CADM2: variants seen among roughly 807,000 people sequenced by gnomAD.
The protein encoded by CADM2 is immunoglobulin superfamily member 4D.
A neutral mutation model predicts 49.8 loss-of-function variants in CADM2; 12 were observed. The ratio of observed to expected loss-of-function variants is 0.24; its 90% CI spans 0.15 to 0.39. The LOEUF (loss-of-function observed/expected upper bound fraction) is 0.39. Among genes scored for constraint, CADM2 ranks in the 10% least tolerant of loss-of-function variants. The probability of loss-of-function intolerance (pLI) is 1.00; values close to 1 mark genes in which losing one functional copy is unlikely to be tolerated. For synonymous variants in CADM2, 214 were observed against 175.4 expected, an observed-to-expected ratio of 1.22 and a Z score of -1.74; for missense variants, 378 against 492.3, an observed-to-expected ratio of 0.77 and a Z score of 2.20.
At chr3:85,975,818 G>T (rs1373587781) in intron 8 of CADM2, among the ~76,000 whole-genome samples, 1 of 151,496 alleles carries the variant, frequency 6.6e-6, no homozygotes, top group Non-Finnish European at 1.5e-5. Flanking sequence ...ATTGAGCTGT[G>T]TATTGGATGG....
chr3:85,345,316 A>G (rs1204274555), intron 1 of CADM2, among the ~76,000 whole-genome samples: 3 of 148,740 alleles, frequency 2.0e-5, no homozygotes. Context: ...TCCATCTCAA[A>G]AAAAAAAAAA....
rs746964383 is a variant in CADM2, at chr3:85,229,444, G to A, written c.61+269776G>A. ...GTGACAGCCCGCCCTGCTTCAACTC[G>A]CCCTCGGTGGGCTGCACCTACTGTC... On this transcript the variant is annotated intron_variant, in intron 1 of 9. Transcript: ENST00000383699. Among the ~76,000 whole-genome samples, 6 of 152,210 alleles carry A rather than the reference G, an allele frequency of 3.9e-5. No individual in the cohort carries two copies. In the East Asian group the frequency reaches 7.8e-4, roughly 20 times the overall value.
At chr3:85,825,078 T>C (rs1476921850) in intron 3 of CADM2, among the ~76,000 whole-genome samples, 3 of 151,996 alleles carry the variant, frequency 2.0e-5, no homozygotes, top group Non-Finnish European at 2.9e-5. Context: ...TAATTTATAT[T>C]GAAAAATAAT....
In CADM2 at chr3:85,073,302, T is replaced by C. The variant is rs1391707584; in HGVS notation, c.61+113634T>C. On this transcript the variant is annotated intron_variant, in intron 1 of 9. Coordinates refer to ENST00000383699, the MANE Select transcript of CADM2 (RefSeq NM_001167675.2). Reference sequence around the variant, plus strand: ...CTTTACGTGATCTATCTGTCTCTTTTGCAGTAGATGAACATAAAAACTCTA... The same window carrying C: ...CTTTACGTGATCTATCTGTCTCTTTCGCAGTAGATGAACATAAAAACTCTA... Among the ~76,000 whole-genome samples, 6 of 152,180 alleles carry C rather than the reference T, an allele frequency of 3.9e-5. No homozygotes were observed. The East Asian group carries it at 9.6e-4, about 24-fold the overall frequency.
intron 1 of CADM2, among the ~76,000 whole-genome samples, chr3:85,338,160 ATG>A (rs946012279): frequency 1.3e-5 from 2 of 151,254 alleles, no homozygotes; most frequent in Non-Finnish European, 3.0e-5. Context: ...TGCATAGAAG[ATG>A]TGTGTGCCTC....
At chr3:85,864,483 A>G (rs2075652044) in intron 3 of CADM2, among the ~76,000 whole-genome samples, 1 of 152,120 alleles carries the variant, frequency 6.6e-6, no homozygotes, top group South Asian at 2.1e-4. Context: ...ACACCATTCC[A>G]TTATGCTGGA....
intron 1 of CADM2, among the ~76,000 whole-genome samples, chr3:85,621,456 A>G (rs1345625956): frequency 6.6e-6 from 1 of 152,170 alleles, no homozygotes; most frequent in Non-Finnish European, 1.5e-5. Flanking sequence ...AGCAATAACT[A>G]ACTTTGAAAA....
chr3:85,295,009 C>T (rs1337253553), intron 1 of CADM2, among the ~76,000 whole-genome samples: 1 of 151,962 alleles, frequency 6.6e-6, no homozygotes, highest in South Asian at 2.1e-4. Flanking sequence ...AGGCAACCTA[C>T]AAAATGGGAG....
chr3:86,061,210 T>C (rs1389094868), intron 8 of CADM2, among the ~76,000 whole-genome samples: 1 of 152,048 alleles, frequency 6.6e-6, no homozygotes, highest in Non-Finnish European at 1.5e-5. Context: ...GCAAAATGTA[T>C]TTATAAGTTT....
chr3:85,272,343 T>C (rs2043261566), intron 1 of CADM2, among the ~76,000 whole-genome samples: 1 of 151,288 alleles, frequency 6.6e-6, no homozygotes, highest in Admixed American at 6.6e-5. Flanking sequence ...CAATTCGTTG[T>C]ACCACATTTT....
chr3:85,164,122 A>T (rs1276936007), intron 1 of CADM2, among the ~76,000 whole-genome samples: 1 of 151,956 alleles, frequency 6.6e-6, no homozygotes, highest in Non-Finnish European at 1.5e-5. Flanking sequence ...TGAAATGAAG[A>T]AGAACAAAAT....
chr3:85,501,837 T>C (rs1220157603), intron 1 of CADM2, among the ~76,000 whole-genome samples: 1 of 152,176 alleles, frequency 6.6e-6, no homozygotes, highest in African/African-American at 2.4e-5. Flanking sequence ...ATGTACATTG[T>C]ATGAGAATAA....
At chr3:85,969,003 C>T (rs552839646) in intron 8 of CADM2, among the ~76,000 whole-genome samples, 40 of 151,702 alleles carry the variant, frequency 2.6e-4, no homozygotes, top group African/African-American at 8.9e-4. Context: ...CAATTCATCA[C>T]GAAGTTCCAT....
chr3:85,448,105 G>T (rs1432071277), intron 1 of CADM2, among the ~76,000 whole-genome samples: 2 of 152,026 alleles, frequency 1.3e-5, no homozygotes, highest in African/African-American at 2.4e-5. Context: ...GGCGAGGCGG[G>T]CGGATCACGA....
intron 3 of CADM2, among the ~76,000 whole-genome samples, chr3:85,878,846 A>G (rs1712315901): frequency 6.6e-6 from 1 of 152,070 alleles, no homozygotes; most frequent in African/African-American, 2.4e-5. Context: ...TTCACTGAGA[A>G]TTGTAAGCTC....
intron 8 of CADM2, among the ~76,000 whole-genome samples, chr3:86,041,357 C>G (rs892414098): frequency 2.0e-5 from 3 of 152,062 alleles, no homozygotes; most frequent in African/African-American, 4.8e-5. Flanking sequence ...CAGAGACACA[C>G]ATAGGCTCAA....
At chr3:85,368,659 A>C (rs2032976909) in intron 1 of CADM2, among the ~76,000 whole-genome samples, 2 of 152,016 alleles carry the variant, frequency 1.3e-5, no homozygotes, top group Non-Finnish European at 2.9e-5. Flanking sequence ...ATCTTCTAGA[A>C]ATGTAAGTTT....
At chr3:85,628,422 T>G (rs1381908756) in intron 1 of CADM2, among the ~76,000 whole-genome samples, 1 of 151,444 alleles carries the variant, frequency 6.6e-6, no homozygotes, top group Non-Finnish European at 1.5e-5. Context: ...CTCCTAATAC[T>G]CTGCTCCAGG....
At chr3:85,615,593 GTCTT>G (rs2063782030) in intron 1 of CADM2, among the ~76,000 whole-genome samples, 1 of 150,322 alleles carries the variant, frequency 6.7e-6, no homozygotes, top group Admixed American at 6.7e-5. Flanking sequence ...CCTTTCATTT[GTCTT>G]TCTTTCCTTA....
Sources: allele counts gnomAD v4.1 joint callset (sites outside exome capture counted in the v4.1 genomes callset), GRCh38; gene constraint gnomAD v4.1.1; transcripts MANE v1.5; gene names NCBI Gene and HGNC (gene_info 2026-07-23, HGNC 2026-07-21).